Variants in AGFG1 observed in about 807,000 individuals in gnomAD.
AGFG1 encodes the protein ArfGAP with FG repeats 1, also known as arf-GAP domain and FG repeat-containing protein 1.
Under a neutral mutation model 60.6 loss-of-function variants are expected in AGFG1, and 10 were observed. The ratio of observed to expected loss-of-function variants is 0.16; its 90% CI spans 0.10 to 0.28. The LOEUF is 0.28. Ranked by LOEUF, AGFG1 falls within the 10% of genes least tolerant of loss-of-function variation. AGFG1 has a pLI of 1.00. For missense variants in AGFG1, 537 were observed against 676.5 expected (o/e 0.79, Z 2.29); for synonymous variants, 247 against 242.9 (o/e 1.02, Z -0.16).
intron 2 of AGFG1, among the ~76,000 whole-genome samples, chr2:227,513,147 C>T (rs187023674): frequency 2.0e-4 from 30 of 152,298 alleles, no homozygotes; most frequent in African/African-American, 7.0e-4. Context: ...TCTTACCTTT[C>T]CTTTTATATA....
intron 2 of AGFG1, among the ~76,000 whole-genome samples, chr2:227,500,587 A>G (rs1014725297): frequency 3.3e-5 from 5 of 152,208 alleles, no homozygotes; most frequent in East Asian, 1.9e-4. Context: ...CCCTCCTCCA[A>G]CATTATTATG....
intron 10 of AGFG1, among the ~76,000 whole-genome samples, chr2:227,546,634 G>T (rs1692656083): frequency 6.6e-6 from 1 of 152,188 alleles, no homozygotes; most frequent in Admixed American, 6.5e-5. Context: ...TTCTGGGGCT[G>T]TAGCTTTTTA....
intron 1 of AGFG1, among the ~76,000 whole-genome samples, chr2:227,484,545 C>T (rs1177864103): frequency 6.6e-6 from 1 of 151,972 alleles, no homozygotes; most frequent in Non-Finnish European, 1.5e-5. Flanking sequence ...TTGGATGTTA[C>T]TGTAATAAGA....
chr2:227,472,327 C>T lies in AGFG1; in HGVS notation c.-95C>T. 1.2e-6 allele frequency: 1 copy of T among 819,306 alleles called. No homozygotes were observed. Among genetic ancestry groups the T allele is most frequent in the Non-Finnish European group, 1.5e-6 (1 of 680,228 alleles). The allele number at this position is 819,306 out of a possible 1,614,324, so 50.8% of individuals were successfully genotyped here. ...GGCGGCGCGCGCAGACGGAGGGCGG[C>T]GGCCGCGGCCAGGGCGGCCCGTGGG... On this transcript the variant is annotated 5_prime_UTR_variant, in exon 1 of 13. Transcript: ENST00000310078.
In AGFG1 at chr2:227,541,715, T is replaced by C. The variant is rs1692497364; in HGVS notation, c.1378+4722T>C. Among the ~76,000 whole-genome samples, 5 of 152,318 alleles carry C rather than the reference T, an allele frequency of 3.3e-5. No homozygotes were observed. In the South Asian group the frequency reaches 1.0e-3, roughly 32 times the overall value. ...GTTCCATATGAACTTTCAAGTAGTTTTTTCCAATTCTGTGAAGAAAGTCAT... is the reference window on the plus strand; with the variant it reads ...GTTCCATATGAACTTTCAAGTAGTTCTTTCCAATTCTGTGAAGAAAGTCAT... On this transcript the variant is annotated intron_variant, in intron 10 of 12. Coordinates refer to ENST00000310078, the MANE Select transcript of AGFG1 (RefSeq NM_004504.5).
intron 2 of AGFG1, among the ~76,000 whole-genome samples, chr2:227,507,560 G>A (rs555552005): frequency 8.5e-4 from 103 of 120,760 alleles, no homozygotes; most frequent in African/African-American, 2.9e-3. Context: ...CCGAGATGGC[G>A]CCACTGCACT....
At position 227,534,945 on chromosome 2, in the gene AGFG1, A is replaced by T; in HGVS notation, c.1125A>T (p.Ala375=). The T allele has an allele frequency of 6.2e-7, 1 of 1,613,648 alleles. No individual in the cohort carries two copies. The highest frequency in any genetic ancestry group is 8.5e-7 in the Non-Finnish European group (1 of 1,179,618). The change falls in exon 8 of 13, where the codon GCA becomes GCT. Residue 375 remains alanine, a synonymous_variant. Transcript: ENST00000310078. ...SQSSASSDKY[A]ALAELDSVFS... The stretch of plus-strand genomic sequence containing the variant: ...CAAGTGCATCTTCAGACAAGTATGC[A>T]GCTCTGGCAGAACTAGACAGCGTTT...
rs73081456 is a variant in AGFG1 at position 227,476,029 on chromosome 2, G to T, written c.167+3441G>T. On this transcript the variant is annotated intron_variant, in intron 1 of 12. Transcript: ENST00000310078. ...AAATAAATTGAACTAGCATCTTGTTGTTAATGTTACTAGACTTGGAGCTAA... is the reference window on the plus strand; with the variant it reads ...AAATAAATTGAACTAGCATCTTGTTTTTAATGTTACTAGACTTGGAGCTAA... Among the ~76,000 whole-genome samples the T allele has an allele frequency of 4.3e-3, 661 of 152,170 alleles. 2 individuals carry two copies. The highest frequency in any genetic ancestry group is 0.015 in the African/African-American group (625 of 41,520).
At chr2:227,477,597 CTT>C (rs1690323705) in intron 1 of AGFG1, among the ~76,000 whole-genome samples, 1 of 151,964 alleles carries the variant, frequency 6.6e-6, no homozygotes, top group African/African-American at 2.4e-5. Context: ...AGAAAAAAGA[CTT>C]TTTCTTTTTT....
chr2:227,508,605 A>T (rs1468733461), intron 2 of AGFG1: 1 of 470,684 alleles, frequency 2.1e-6, no homozygotes. Flanking sequence ...TCAGATTCAT[A>T]ATATCTTTGG....
chr2:227,508,663 C>T (rs779624171), intron 2 of AGFG1: 157 of 464,930 alleles, frequency 3.4e-4, no homozygotes, highest in Non-Finnish European at 3.0e-4. Context: ...AAGTTTAGAA[C>T]AATTGGAATG....
chr2:227,494,491 A>T (rs1438323992), intron 2 of AGFG1, among the ~76,000 whole-genome samples: 1 of 152,232 alleles, frequency 6.6e-6, no homozygotes, highest in Admixed American at 6.5e-5. Flanking sequence ...AAATTAAAAG[A>T]TCAGAAAGTA....
At chr2:227,520,171 G>T in intron 3 of AGFG1, 108 bp downstream of exon 3, 1 of 660,646 alleles carries the variant, frequency 1.5e-6, no homozygotes, top group Non-Finnish European at 2.6e-6. Flanking sequence ...GTGAGAACTA[G>T]ATAGGTATAT....
At chr2:227,537,972 A>G (rs1268144389) in intron 10 of AGFG1, among the ~76,000 whole-genome samples, 3 of 152,190 alleles carry the variant, frequency 2.0e-5, no homozygotes, top group Non-Finnish European at 4.4e-5. Flanking sequence ...GTCTTCACTT[A>G]TACTCTGTTG....
chr2:227,540,517 A>G (rs984764445), intron 10 of AGFG1, among the ~76,000 whole-genome samples: 1 of 152,138 alleles, frequency 6.6e-6, no homozygotes, highest in African/African-American at 2.4e-5. Flanking sequence ...CCTACAAAGG[A>G]CATGAACTCA....
At chr2:227,528,115 C>G (rs7604245) in intron 5 of AGFG1, among the ~76,000 whole-genome samples, 8,245 of 152,142 alleles carry the variant, frequency 0.054, 294 homozygotes, top group African/African-American at 0.09. Flanking sequence ...AGAAAAACTT[C>G]TCTCCAGCCA....
chr2:227,551,533 T>C (rs1692820867), intron 10 of AGFG1, among the ~76,000 whole-genome samples: 1 of 152,170 alleles, frequency 6.6e-6, no homozygotes, highest in African/African-American at 2.4e-5. Context: ...CAGGAACACA[T>C]ATTATGTTAT....
At chr2:227,519,924 A>G (rs1216409050) in intron 2 of AGFG1, 24 bp from the exon 3 acceptor site, 3 of 1,390,440 alleles carry the variant, frequency 2.2e-6, no homozygotes, top group East Asian at 4.8e-5. Context: ...AATTTAACAT[A>G]TATTTTTTTA....
chr2:227,536,928 C>T lies in AGFG1; in HGVS notation c.1313C>T (p.Ala438Val), dbSNP rs199729344. 8 of 1,612,320 alleles carry T rather than the reference C, an allele frequency of 5.0e-6. No individual in the cohort carries two copies. The highest frequency in any genetic ancestry group is 6.8e-6 in the Non-Finnish European group (8 of 1,179,048). ...GATPSTNPFVAAAGPSVASST... is the reference protein window; with the variant it reads ...GATPSTNPFVVAAGPSVASST... ...ACGCCTTCCACAAATCCATTTGTTG[C>T]TGCTGCTGGTCCTTCTGTGGCATCT... Residue 438 changes from alanine (A) to valine (V), a missense_variant, in exon 10 of 13, where the codon GCT (alanine) becomes GTT (valine). Coordinates refer to ENST00000310078, the MANE Select transcript of AGFG1 (RefSeq NM_004504.5).
Sources: gnomAD v4.1 joint callset for allele counts (sites outside exome capture counted in the v4.1 genomes callset) on GRCh38, gnomAD v4.1.1 for gene constraint, MANE v1.5 for transcripts, NCBI Gene and HGNC (gene_info 2026-07-23, HGNC 2026-07-21) for gene names.